The following TNFSF11 variants were observed in gnomAD, a reference collection of about 807,000 sequenced individuals.
The protein encoded by TNFSF11 is tumor necrosis factor ligand superfamily member 11.
A neutral mutation model predicts 32.2 loss-of-function variants in TNFSF11; 12 were observed. The observed-to-expected ratio is 0.37, with a 90% CI of 0.24 to 0.60. The LOEUF is 0.60. TNFSF11 is among the 20% of genes least tolerant of loss of function. TNFSF11 has a pLI of 0.66. For synonymous variants in TNFSF11, 172 were observed against 152.1 expected (o/e 1.13, Z -0.96); for missense variants, 345 against 398.0 (o/e 0.87, Z 1.13).
rs9562415 is a variant in TNFSF11 at position 42,606,888 on chromosome 13, T to C, written c.924T>C (p.Phe308=). The C allele has an allele frequency of 0.018, 29,846 of 1,614,186 alleles. 514 individuals carry two copies. The highest frequency in any genetic ancestry group is 0.074 in the African/African-American group (5,544 of 75,036). Residue 308 remains phenylalanine, a synonymous_variant, in exon 5 of 5, where the codon TTT becomes TTC. Coordinates refer to ENST00000398795, the MANE Select transcript of TNFSF11 (RefSeq NM_003701.4). ...ATCCGGATCAGGATGCAACATACTT[T>C]GGGGCTTTTAAAGTTCGAGATATAG... ...LLDPDQDATY[F]GAFKVRDID
At chr13:42,596,017 G>T (rs1868790345) in intron 2 of TNFSF11, among the ~76,000 whole-genome samples, 1 of 152,188 alleles carries the variant, frequency 6.6e-6, no homozygotes, top group Non-Finnish European at 1.5e-5. Context: ...TTGTCAATTG[G>T]GGTGAAGTTT....
chr13:42,568,586 T>G (rs1279226358), intron 2 of TNFSF11, among the ~76,000 whole-genome samples: 6 of 152,158 alleles, frequency 3.9e-5, no homozygotes, highest in Non-Finnish European at 8.8e-5. Flanking sequence ...TAAGCTGGAT[T>G]AGATTATTAG....
chr13:42,574,601 GC>G, intron 1 of TNFSF11, 79 bp downstream of exon 1: 1 of 1,491,422 alleles, frequency 6.7e-7, no homozygotes, highest in East Asian at 2.3e-5. Flanking sequence ...GAGTCTGGCG[GC>G]AGGGCTGGGC....
intron 2 of TNFSF11, among the ~76,000 whole-genome samples, chr13:42,587,088 C>T (rs1371381677): frequency 6.6e-6 from 1 of 152,196 alleles, no homozygotes; most frequent in Non-Finnish European, 1.5e-5. Flanking sequence ...AGACGTGAGT[C>T]ATCCAGGACC....
At chr13:42,565,821 A>C (rs1226808563) in intron 1 of TNFSF11, among the ~76,000 whole-genome samples, 1 of 152,172 alleles carries the variant, frequency 6.6e-6, no homozygotes, top group Non-Finnish European at 1.5e-5. Flanking sequence ...GGTTTAAGTG[A>C]GAGGAGACTG....
At chr13:42,585,628 A>G (rs1172443778) in intron 2 of TNFSF11, among the ~76,000 whole-genome samples, 1 of 152,236 alleles carries the variant, frequency 6.6e-6, no homozygotes, top group Non-Finnish European at 1.5e-5. Context: ...TCTTGTTTCC[A>G]GTTTTGGCAG....
rs531477276 is a variant in TNFSF11, at chr13:42,563,927, A to AT, written c.-302+970dup. 4.2e-4 allele frequency among the ~76,000 whole-genome samples: 64 copies of AT among 152,076 alleles called. No individual in the cohort carries two copies. In the East Asian group the frequency reaches 4.4e-3, roughly 11 times the overall value. The stretch of plus-strand genomic sequence containing the variant: ...TATACTTCTATGTTCCTTCTGTTGC[A>AT]TTTTTTCCCTGTCCTTCTGGAACTC... On this transcript the variant is annotated intron_variant, in intron 1 of 6. Transcript: ENST00000358545.
intron 4 of TNFSF11, among the ~76,000 whole-genome samples, chr13:42,603,236 G>A (rs554842191): frequency 1.1e-4 from 17 of 152,282 alleles, no homozygotes; most frequent in African/African-American, 3.6e-4. Flanking sequence ...GATGAAATGC[G>A]TTGGGAAGTA....
At chr13:42,587,252 G>A (rs1594468455) in intron 2 of TNFSF11, among the ~76,000 whole-genome samples, 1 of 152,278 alleles carries the variant, frequency 6.6e-6, no homozygotes, top group African/African-American at 2.4e-5. Flanking sequence ...GCATCATATC[G>A]GCTGGAAGTT....
At chr13:42,604,069 C>T (rs1020503275) in intron 4 of TNFSF11, among the ~76,000 whole-genome samples, 2 of 152,204 alleles carry the variant, frequency 1.3e-5, no homozygotes, top group African/African-American at 2.4e-5. Flanking sequence ...CCTTGCCTTC[C>T]TAGGCCATAT....
chr13:42,569,879 A>G (rs1873000045), upstream of TNFSF11, among the ~76,000 whole-genome samples: 1 of 152,172 alleles, frequency 6.6e-6, no homozygotes, highest in Non-Finnish European at 1.5e-5. Flanking sequence ...AATTGTAGAG[A>G]TGTGAAAAAA....
chr13:42,564,507 C>T (rs1027635241), intron 1 of TNFSF11, among the ~76,000 whole-genome samples: 7 of 151,448 alleles, frequency 4.6e-5, no homozygotes, highest in South Asian at 4.2e-4. Flanking sequence ...GTGAAGGTTG[C>T]GGTGAGCCGA....
chr13:42,593,403 T>G (rs1217159676), intron 2 of TNFSF11, among the ~76,000 whole-genome samples: 1 of 152,148 alleles, frequency 6.6e-6, no homozygotes, highest in Non-Finnish European at 1.5e-5. Flanking sequence ...GGATGCACTC[T>G]AACCTCAGTG....
upstream of TNFSF11, among the ~76,000 whole-genome samples, chr13:42,570,397 C>T (rs539288804): frequency 2.6e-4 from 40 of 152,274 alleles, no homozygotes; most frequent in South Asian, 4.1e-4. Flanking sequence ...TCAATTTTCA[C>T]ATGAGTCCAA....
intron 2 of TNFSF11, among the ~76,000 whole-genome samples, chr13:42,587,594 A>G (rs902212560): frequency 6.6e-6 from 1 of 152,240 alleles, no homozygotes; most frequent in African/African-American, 2.4e-5. Flanking sequence ...AGTAGATTCA[A>G]CAGCATTCAT....
chr13:42,592,214 G>A (rs1178893612), intron 2 of TNFSF11, among the ~76,000 whole-genome samples: 2 of 152,154 alleles, frequency 1.3e-5, no homozygotes, highest in Non-Finnish European at 2.9e-5. Flanking sequence ...AGCCCCAACA[G>A]GTTAAAGGCT....
upstream of TNFSF11, chr13:42,571,832 G>A (rs983707413): frequency 5.9e-5 from 9 of 152,220 alleles, no homozygotes; most frequent in African/African-American, 1.9e-4. Flanking sequence ...ATTCTGATAA[G>A]ATATAGCATG....
rs1416728760 is a variant in TNFSF11 at position 42,592,065 on chromosome 13, G to C, written c.388-8687G>C. Among the ~76,000 whole-genome samples the C allele has an allele frequency of 3.9e-5, 6 of 152,144 alleles. No individual in the cohort carries two copies. In the East Asian group the frequency reaches 1.2e-3, roughly 29 times the overall value. ...TAACCAGACTAAGTGAAAAACTAATGTTTTTCTCTGTACTCTCATAACCTG... is the reference window on the plus strand; with the variant it reads ...TAACCAGACTAAGTGAAAAACTAATCTTTTTCTCTGTACTCTCATAACCTG... On this transcript the variant is annotated intron_variant, in intron 2 of 4. Coordinates refer to ENST00000398795, the MANE Select transcript of TNFSF11 (RefSeq NM_003701.4).
At chr13:42,600,023 A>G (rs1869080421) in intron 2 of TNFSF11, among the ~76,000 whole-genome samples, 1 of 152,144 alleles carries the variant, frequency 6.6e-6, no homozygotes, top group Non-Finnish European at 1.5e-5. Context: ...CTCTTGCCCT[A>G]AGATGTGACA....
Sources: gnomAD v4.1 joint callset for allele counts (sites outside exome capture counted in the v4.1 genomes callset) on GRCh38, gnomAD v4.1.1 for gene constraint, MANE v1.5 for transcripts, NCBI Gene and HGNC (gene_info 2026-07-23, HGNC 2026-07-21) for gene names.